The following ABLIM1 variants were observed in gnomAD, a reference collection of about 807,000 sequenced individuals.
ABLIM1 encodes actin-binding LIM protein 1.
In ABLIM1, 40 loss-of-function variants were observed where a neutral mutation model predicts 107.0. That is an observed-to-expected ratio of 0.37 (90% CI 0.29 to 0.49). The LOEUF (loss-of-function observed/expected upper bound fraction) is 0.49. Among genes scored for constraint, ABLIM1 ranks in the 20% least tolerant of loss-of-function variants. The pLI is 0.97. For missense variants in ABLIM1, 857 were observed against 1,008.5 expected, an observed-to-expected ratio of 0.85 and a Z score of 2.04; for synonymous variants, 357 against 357.3, an observed-to-expected ratio of 1.00 and a Z score of 0.01.
At position 114,504,842 on chromosome 10, in the gene ABLIM1, G is replaced by C. The variant is rs564135561; in HGVS notation, c.895-12964C>G. On this transcript the variant is annotated intron_variant, in intron 6 of 22. Coordinates refer to ENST00000533213, the MANE Select transcript of ABLIM1 (RefSeq NM_002313.7). ...CATGAAAAGCTACATGTTCCATAATGTTAAAAGGGTATAAAGTAGTGGTTC... is the reference window on the plus strand; with the variant it reads ...CATGAAAAGCTACATGTTCCATAATCTTAAAAGGGTATAAAGTAGTGGTTC... 8.5e-5 allele frequency among the ~76,000 whole-genome samples: 13 copies of C among 152,266 alleles called. No individual in the cohort carries two copies. In the South Asian group the frequency reaches 2.5e-3, roughly 29 times the overall value.
chr10:114,470,590 C>A (rs1590073975), intron 10 of ABLIM1, among the ~76,000 whole-genome samples: 1 of 152,228 alleles, frequency 6.6e-6, no homozygotes, highest in South Asian at 2.1e-4. Context: ...CCCAGGGGCA[C>A]CCTCTATGCA....
chr10:114,689,560 C>A (rs10885597), upstream of ABLIM1, among the ~76,000 whole-genome samples: 73,263 of 151,440 alleles, frequency 0.48, 18,293 homozygotes, highest in South Asian at 0.61. Context: ...CGGGGTTTCG[C>A]CATGTTAGCC....
chr10:114,587,231 AT>A (rs1480591718), intron 2 of ABLIM1, among the ~76,000 whole-genome samples: 2 of 152,228 alleles, frequency 1.3e-5, no homozygotes, highest in Non-Finnish European at 2.9e-5. Context: ...CACTTTTGAT[AT>A]TCATGGGCTG....
At position 114,546,224 on chromosome 10, in the gene ABLIM1, G is replaced by A. The variant is rs145989188; in HGVS notation, c.801-1126C>T. 3.0e-3 allele frequency among the ~76,000 whole-genome samples: 453 copies of A among 151,858 alleles called. 3 individuals are homozygous for A. Among genetic ancestry groups the A allele is most frequent in the African/African-American group, 9.7e-3 (404 of 41,438 alleles). On this transcript the variant is annotated intron_variant, in intron 5 of 22. Coordinates refer to ENST00000533213, the MANE Select transcript of ABLIM1 (RefSeq NM_002313.7). ...ACCCCCGCATAGCTTGCAATGTTCC[G>A]TTAGAAGCCAGGCACCTGTCTTATT...
intron 1 of ABLIM1, among the ~76,000 whole-genome samples, chr10:114,645,974 T>C (rs1458742292): frequency 1.3e-5 from 2 of 152,242 alleles, no homozygotes; most frequent in African/African-American, 2.4e-5. Context: ...ATTGCTACAA[T>C]TCAACCAAAG....
chr10:114,449,887 G>T (rs1190294812), intron 14 of ABLIM1, among the ~76,000 whole-genome samples: 2 of 151,974 alleles, frequency 1.3e-5, no homozygotes, highest in Non-Finnish European at 2.9e-5. Flanking sequence ...GCTCTGGCTG[G>T]GCTATTTTTA....
chr10:114,682,566 A>C (rs2141590981), intron 1 of ABLIM1, among the ~76,000 whole-genome samples: 1 of 152,308 alleles, frequency 6.6e-6, no homozygotes, highest in Non-Finnish European at 1.5e-5. Flanking sequence ...AAAACCCCTT[A>C]TGTTCCAAAC....
rs935379889 is a variant in ABLIM1 at position 114,441,043 on chromosome 10, T to C, written c.2033A>G (p.Tyr678Cys). ...VSTDFAQYNSYGDVSGGVRDY... is the reference protein window; with the variant it reads ...VSTDFAQYNSCGDVSGGVRDY... Reference sequence around the variant, plus strand: ...TCGCACTCCCCCGCTGACATCCCCATAGCTGTTATACTGAGCGAAGTCGGT... The same window carrying C: ...TCGCACTCCCCCGCTGACATCCCCACAGCTGTTATACTGAGCGAAGTCGGT... The change falls in exon 19 of 23, where the codon TAT becomes TGT. Residue 678 changes from tyrosine to cysteine, a missense_variant. Physicochemically the swap from Tyr to Cys is radical, Grantham distance 194. Transcript: ENST00000533213. 5.0e-6 allele frequency: 8 copies of C among 1,590,458 alleles called. No individual in the cohort carries two copies. The African/African-American group carries it at 5.4e-5, about 11-fold the overall frequency.
chr10:114,758,923 C>T (rs1591952969), intron 1 of ABLIM1, among the ~76,000 whole-genome samples: 1 of 152,008 alleles, frequency 6.6e-6, no homozygotes, highest in Non-Finnish European at 1.5e-5. Context: ...AAAGAACACA[C>T]CATACAGAAG....
intron 14 of ABLIM1, chr10:114,450,071 T>G (rs1026397461): frequency 2.6e-6 from 1 of 390,254 alleles, no homozygotes; most frequent in Non-Finnish European, 5.1e-6. Flanking sequence ...AGCCTGTAAG[T>G]TGACAAATCA....
intron 1 of ABLIM1, among the ~76,000 whole-genome samples, chr10:114,708,482 G>T (rs1688805857): frequency 6.6e-6 from 1 of 151,744 alleles, no homozygotes; most frequent in Non-Finnish European, 1.5e-5. Flanking sequence ...CATGGGGATG[G>T]TAACTGGAGG....
At chr10:114,690,073 TG>T (rs2081040970) in intron 1 of ABLIM1, 4 of 860,600 alleles carry the variant, frequency 4.6e-6, no homozygotes, top group Non-Finnish European at 7.3e-6. Flanking sequence ...TGCAAGCAAA[TG>T]GGGTGGAGGG....
chr10:114,750,186 C>T (rs2082479960), intron 1 of ABLIM1, among the ~76,000 whole-genome samples: 1 of 152,096 alleles, frequency 6.6e-6, no homozygotes, highest in Admixed American at 6.6e-5. Flanking sequence ...ACAGAGATGA[C>T]TAAAATAATA....
chr10:114,576,650 T>C (rs1193061589), intron 2 of ABLIM1, among the ~76,000 whole-genome samples: 2 of 152,068 alleles, frequency 1.3e-5, no homozygotes, highest in Non-Finnish European at 2.9e-5. Flanking sequence ...TTCAGTAAGG[T>C]TCTGATGAAA....
At position 114,465,847 on chromosome 10, in the gene ABLIM1, C is replaced by T; in HGVS notation, c.1312-20G>A. 6.2e-7 allele frequency: 1 copy of T among 1,613,732 alleles called. No homozygotes were observed. ...GTACCCCTGGAAACAAAGTTCAACA[C>T]ATTCAGGCTATCACCATGCCTCAGT... On this transcript the variant is annotated intron_variant, in intron 11 of 22. Coordinates refer to ENST00000533213, the MANE Select transcript of ABLIM1 (RefSeq NM_002313.7).
intron 1 of ABLIM1, among the ~76,000 whole-genome samples, chr10:114,608,753 A>T (rs71484950): frequency 0.13 from 20,127 of 151,186 alleles, 1,547 homozygotes; most frequent in South Asian, 0.17. Flanking sequence ...GGTGGCTCAC[A>T]CCTGTAATCT....
chr10:114,791,089 T>A, the ABLIM1 span, among the ~76,000 whole-genome samples: 1 of 152,296 alleles, frequency 6.6e-6, no homozygotes, highest in Admixed American at 6.5e-5. Context: ...TTATTTATTT[T>A]ACAGATGGGG....
the ABLIM1 span, among the ~76,000 whole-genome samples, chr10:114,798,562 C>CG: frequency 6.6e-3 from 970 of 147,526 alleles, 22 homozygotes; most frequent in Non-Finnish European, 0.01. Flanking sequence ...TGAGACCCCC[C>CG]CCCCATGTCT....
intron 1 of ABLIM1, among the ~76,000 whole-genome samples, chr10:114,738,766 GAA>G (rs1371230289): frequency 6.7e-6 from 1 of 148,926 alleles, no homozygotes; most frequent in Non-Finnish European, 1.5e-5. Context: ...ATAACAGATG[GAA>G]ACTGAGGCAC....
Sources: gnomAD v4.1 joint callset for allele counts (sites outside exome capture counted in the v4.1 genomes callset) on GRCh38, gnomAD v4.1.1 for gene constraint, MANE v1.5 for transcripts, NCBI Gene and HGNC (gene_info 2026-07-23, HGNC 2026-07-21) for gene names.